Variants in CSMD3 observed in about 807,000 individuals in gnomAD.
CSMD3 encodes the protein CUB and Sushi multiple domains 3, also known as CUB and sushi domain-containing protein 3.
A neutral mutation model predicts 435.2 loss-of-function variants in CSMD3; 177 were observed. The observed-to-expected ratio is 0.41, with a 90% confidence interval of 0.36 to 0.46. The LOEUF (loss-of-function observed/expected upper bound fraction) is 0.46, where lower values mean the gene tolerates loss of function less well. CSMD3 is among the 20% of genes least tolerant of loss of function. The probability of loss-of-function intolerance (pLI) is 0.34; values close to 1 mark genes in which losing one functional copy is unlikely to be tolerated. For missense variants in CSMD3, 4,265 were observed against 4,504.6 expected (o/e 0.95, Z 1.52); for synonymous variants, 1,656 against 1,520.5 (o/e 1.09, Z -2.07).
intron 1 of CSMD3, among the ~76,000 whole-genome samples, chr8:113,324,798 A>G (rs1181032806): frequency 6.6e-6 from 1 of 152,186 alleles, no homozygotes; most frequent in Admixed American, 6.5e-5. Flanking sequence ...ACTCAATACC[A>G]GCCCATGAAA....
rs1345837136 is a variant in CSMD3, at chr8:112,828,593, T to C, written c.1859+1093A>G. On this transcript the variant is annotated intron_variant, in intron 12 of 70. Transcript: ENST00000297405. ...ATGCTTCCTGTTAAGCCTGTGGAAA[T>C]GAAAGTAAATTAAACCTCTTTTCTT... is the stretch of plus-strand genomic sequence containing the variant. Among the ~76,000 whole-genome samples, 5 of 152,162 alleles carry C rather than the reference T, an allele frequency of 3.3e-5. No homozygotes were observed. The East Asian group carries it at 9.6e-4, about 29-fold the overall frequency.
At chr8:113,360,766 G>C (rs1466474228) in intron 1 of CSMD3, among the ~76,000 whole-genome samples, 1 of 151,562 alleles carries the variant, frequency 6.6e-6, no homozygotes, top group Non-Finnish European at 1.5e-5. Flanking sequence ...GTAGAGACGG[G>C]GTTTCACCTT....
intron 4 of CSMD3, among the ~76,000 whole-genome samples, chr8:113,099,872 C>T (rs960344826): frequency 6.6e-6 from 1 of 152,080 alleles, no homozygotes; most frequent in Non-Finnish European, 1.5e-5. Flanking sequence ...TACAAGTTCA[C>T]TTGTGAAATA....
intron 27 of CSMD3, among the ~76,000 whole-genome samples, chr8:112,535,550 T>G (rs1310434330): frequency 6.6e-6 from 1 of 152,026 alleles, no homozygotes; most frequent in African/African-American, 2.4e-5. Context: ...GAACATTCCA[T>G]GCTCATGGGT....
At position 112,967,177 on chromosome 8, in the gene CSMD3, A is replaced by T. The variant is rs552579182; in HGVS notation, c.1342+8660T>A. ...AGCGTACTATAAGACCTATACTCCA[A>T]GAAACTATCAACTGTTACTTGCATT... On this transcript the variant is annotated intron_variant, in intron 7 of 70. Transcript: ENST00000297405. 3.2e-5 allele frequency among the ~76,000 whole-genome samples: 3 copies of T among 93,092 alleles called. No homozygotes were observed. The South Asian group carries it at 1.2e-3, about 36-fold the overall frequency. 61.1% of individuals were successfully genotyped at this position (93,092 alleles called of 152,430 possible).
chr8:112,469,094 A>T (rs182443493), intron 32 of CSMD3, among the ~76,000 whole-genome samples: 1 of 151,002 alleles, frequency 6.6e-6, no homozygotes, highest in African/African-American at 2.4e-5. Flanking sequence ...GTGTAAAAGT[A>T]ATTGTGGTTT....
intron 1 of CSMD3, among the ~76,000 whole-genome samples, chr8:113,328,801 G>A (rs1366621605): frequency 3.1e-5 from 4 of 127,948 alleles, no homozygotes; most frequent in African/African-American, 6.2e-5. Flanking sequence ...GTACAGTGGC[G>A]TGATAACGAC....
chr8:113,402,452 C>A (rs2094514572), intron 1 of CSMD3, among the ~76,000 whole-genome samples: 3 of 151,414 alleles, frequency 2.0e-5, no homozygotes, highest in African/African-American at 7.2e-5. Context: ...ATGTACCAAG[C>A]AATGATGTTG....
intron 5 of CSMD3, among the ~76,000 whole-genome samples, chr8:113,051,467 G>C (rs1267457758): frequency 6.6e-6 from 1 of 151,986 alleles, no homozygotes; most frequent in Non-Finnish European, 1.5e-5. Flanking sequence ...TTAATAAATT[G>C]TTTTTTACCG....
At chr8:113,255,084 G>A (rs138066028) in intron 3 of CSMD3, among the ~76,000 whole-genome samples, 12 of 152,188 alleles carry the variant, frequency 7.9e-5, no homozygotes, top group Admixed American at 2.6e-4. Context: ...ATACGTTCAC[G>A]CATTTAAATG....
chr8:112,953,220 A>G (rs1256102663), intron 8 of CSMD3, among the ~76,000 whole-genome samples: 1 of 151,582 alleles, frequency 6.6e-6, no homozygotes, highest in African/African-American at 2.4e-5. Flanking sequence ...AGTAAACATA[A>G]CATTTAATTT....
intron 65 of CSMD3, 26 bp from the exon 66 acceptor site, chr8:112,241,811 CA>C: frequency 6.6e-7 from 1 of 1,511,450 alleles, no homozygotes; most frequent in Non-Finnish European, 9.2e-7. Flanking sequence ...AAGGTGTTTA[CA>C]AAAGTTGATG....
At chr8:113,199,061 T>C (rs1193577706) in intron 3 of CSMD3, among the ~76,000 whole-genome samples, 4 of 149,664 alleles carry the variant, frequency 2.7e-5, no homozygotes, top group Admixed American at 1.3e-4. Context: ...GCTTAAATTA[T>C]ATATATTTAA....
chr8:112,478,183 C>T (rs2130784549), intron 31 of CSMD3, among the ~76,000 whole-genome samples: 1 of 152,180 alleles, frequency 6.6e-6, no homozygotes, highest in African/African-American at 2.4e-5. Context: ...TGTAAATTGC[C>T]CAGTCTTGGG....
intron 1 of CSMD3, among the ~76,000 whole-genome samples, chr8:113,428,204 A>ATATCTATCTATCTATCTATC: frequency 6.8e-6 from 1 of 146,116 alleles, no homozygotes; most frequent in East Asian, 2.0e-4. Flanking sequence ...CAACTGTGGG[A>ATATCTATCTATCTATCTATC]TATCTATCTA....
chr8:113,402,228 A>T (rs1239366323), intron 1 of CSMD3, among the ~76,000 whole-genome samples: 2 of 117,826 alleles, frequency 1.7e-5, no homozygotes, highest in African/African-American at 6.8e-5. Flanking sequence ...AGCTGTTTTC[A>T]TCACCAAGGA....
At chr8:113,271,217 G>T (rs1563634092) in intron 3 of CSMD3, among the ~76,000 whole-genome samples, 3 of 152,066 alleles carry the variant, frequency 2.0e-5, no homozygotes, top group Non-Finnish European at 4.4e-5. Flanking sequence ...ATTTTTTGGG[G>T]AGAAATTCAA....
intron 2 of CSMD3, chr8:113,312,705 T>C (rs1462968191): frequency 6.6e-6 from 1 of 152,126 alleles, no homozygotes; most frequent in Non-Finnish European, 1.5e-5. Context: ...ATCCCACAGA[T>C]TGCCAGTGTA....
At chr8:112,308,495 C>T (rs992946889) in intron 50 of CSMD3, among the ~76,000 whole-genome samples, 1 of 151,848 alleles carries the variant, frequency 6.6e-6, no homozygotes, top group Non-Finnish European at 1.5e-5. Flanking sequence ...AACTTCTCCG[C>T]TAATTTTTTT....
Sources: allele counts gnomAD v4.1 joint callset (sites outside exome capture counted in the v4.1 genomes callset), GRCh38; gene constraint gnomAD v4.1.1; transcripts MANE v1.5; gene names NCBI Gene and HGNC (gene_info 2026-07-23, HGNC 2026-07-21).